Variants in IRF2 observed in about 807,000 individuals in gnomAD.
The protein encoded by IRF2 is interferon regulatory factor 2.
In IRF2, 15 loss-of-function variants were observed where a neutral mutation model predicts 40.6. The ratio of observed to expected loss-of-function variants is 0.37; its 90% confidence interval spans 0.25 to 0.57. The LOEUF is 0.57. IRF2 is among the 20% of genes least tolerant of loss of function. The probability of loss-of-function intolerance (pLI) is 0.77; values close to 1 mark genes in which losing one functional copy is unlikely to be tolerated. For missense variants in IRF2, 317 were observed against 455.7 expected (o/e 0.70, Z 2.77); for synonymous variants, 151 against 165.5 (o/e 0.91, Z 0.67).
intron 1 of IRF2, among the ~76,000 whole-genome samples, chr4:184,444,351 T>C (rs1312172225): frequency 1.3e-5 from 2 of 152,192 alleles, no homozygotes; most frequent in African/African-American, 2.4e-5. Context: ...CCGGCAACTA[T>C]AGCCACTTCC....
intron 7 of IRF2, among the ~76,000 whole-genome samples, chr4:184,394,355 C>T (rs759214792): frequency 1.3e-5 from 2 of 152,188 alleles, no homozygotes; most frequent in African/African-American, 2.4e-5. Flanking sequence ...AGCAGGAACA[C>T]TGCGGGAAGG....
intron 5 of IRF2, among the ~76,000 whole-genome samples, chr4:184,412,950 C>G (rs534690182): frequency 3.9e-5 from 6 of 152,372 alleles, no homozygotes; most frequent in Admixed American, 3.3e-4. Flanking sequence ...AACTTTCTAG[C>G]TGGCATTTAC....
intron 7 of IRF2, among the ~76,000 whole-genome samples, chr4:184,398,018 A>G (rs1224676204): frequency 6.6e-6 from 1 of 152,202 alleles, no homozygotes; most frequent in African/African-American, 2.4e-5. Context: ...GAAATGGCTC[A>G]GTCATCTGGC....
At chr4:184,441,828 A>G (rs1738323305) in intron 1 of IRF2, among the ~76,000 whole-genome samples, 1 of 152,204 alleles carries the variant, frequency 6.6e-6, no homozygotes, top group Non-Finnish European at 1.5e-5. Context: ...CATTTTATAG[A>G]TGAAGAAACT....
intron 6 of IRF2, among the ~76,000 whole-genome samples, chr4:184,405,648 T>C (rs988800835): frequency 2.0e-5 from 3 of 152,084 alleles, no homozygotes; most frequent in African/African-American, 7.2e-5. Context: ...GGGAGCAGAA[T>C]GGAAGCAGAG....
In IRF2 at chr4:184,408,210, C is replaced by T. The variant is rs774029736; in HGVS notation, c.477G>A (p.Ala159=). ...CATTTTTTATAGTTGAAGTCAGGAC[C>T]GCATACTCAGGAGAAAGATCACTTA... is the stretch of plus-strand genomic sequence containing the variant. ...NGVSDLSPEY[A]VLTSTIKNEV... The change falls in exon 6 of 9, where the codon GCG becomes GCA. Residue 159 remains alanine, a synonymous_variant. Transcript: ENST00000393593. This position sits in a 1 kb window ranked among gnomAD's most constrained non-coding sequence, Gnocchi z 4.9. The T allele has an allele frequency of 2.3e-5, 37 of 1,613,166 alleles. No homozygotes were observed. The highest frequency in any genetic ancestry group is 1.2e-4 in the South Asian group (11 of 91,072).
intron 2 of IRF2, among the ~76,000 whole-genome samples, chr4:184,427,570 C>T (rs1737716548): frequency 1.3e-5 from 2 of 152,008 alleles, no homozygotes; most frequent in African/African-American, 2.4e-5. Flanking sequence ...CGCTTCAGCA[C>T]AGAGGCAGAG....
chr4:184,411,581 G>A (rs1436805006), intron 5 of IRF2, among the ~76,000 whole-genome samples: 1 of 121,886 alleles, frequency 8.2e-6, no homozygotes, highest in African/African-American at 2.6e-5. Context: ...GTAAAACGGA[G>A]CCAGCACCTC....
At chr4:184,410,454 A>AT (rs1391738451) in intron 5 of IRF2, among the ~76,000 whole-genome samples, 2 of 152,144 alleles carry the variant, frequency 1.3e-5, no homozygotes, top group Non-Finnish European at 2.9e-5. Flanking sequence ...CTATCCCTCC[A>AT]TGGCGGCCTG....
At chr4:184,430,532 A>G (rs891034712) in intron 1 of IRF2, among the ~76,000 whole-genome samples, 1 of 151,950 alleles carries the variant, frequency 6.6e-6, no homozygotes, top group African/African-American at 2.4e-5. Context: ...CTCCTATGTT[A>G]CTCACTGATC....
At chr4:184,438,490 A>G (rs904077373) in intron 1 of IRF2, among the ~76,000 whole-genome samples, 10 of 152,202 alleles carry the variant, frequency 6.6e-5, no homozygotes, top group Non-Finnish European at 8.8e-5. Context: ...ATTATATTAT[A>G]CTGGTCCTGG....
At chr4:184,389,226 C>G (rs992432022) in intron 8 of IRF2, among the ~76,000 whole-genome samples, 160 bp from the exon 9 acceptor site, 12 of 151,966 alleles carry the variant, frequency 7.9e-5, no homozygotes, top group African/African-American at 2.7e-4. Flanking sequence ...TTGAGACCAG[C>G]CTGGGCAATG....
Position 184,388,961 on chromosome 4 carries a change from A to C in IRF2, c.847T>G (p.Ser283Ala). 2 of 1,614,138 alleles carry C rather than the reference A, an allele frequency of 1.2e-6. No individual in the cohort carries two copies. The highest frequency in any genetic ancestry group is 1.7e-6 in the Non-Finnish European group (2 of 1,180,030). Residue 283 changes from serine to alanine, a missense_variant, in exon 9 of 9, where the codon TCC becomes GCC. Physicochemically the swap from Ser to Ala is moderately conservative, Grantham distance 99. Coordinates refer to ENST00000393593, the MANE Select transcript of IRF2 (RefSeq NM_002199.4). This position sits in a 1 kb window ranked among gnomAD's most constrained non-coding sequence, Gnocchi z 4.6. ...LLPGMASFVT[S>A]NKPDLQVTIK... ...GTGACCTGGAGGTCCGGTTTGTTGG[A>C]AGTGACGAAGGACGCCATGCCGGGC...
intron 1 of IRF2, among the ~76,000 whole-genome samples, chr4:184,467,545 T>C (rs539421779): frequency 6.6e-6 from 1 of 152,246 alleles, no homozygotes; most frequent in Non-Finnish European, 1.5e-5. Flanking sequence ...TAGATATTAC[T>C]TGAAATAAAG....
At chr4:184,454,768 T>C (rs896404210) in intron 1 of IRF2, among the ~76,000 whole-genome samples, 1 of 152,158 alleles carries the variant, frequency 6.6e-6, no homozygotes, top group Non-Finnish European at 1.5e-5. Flanking sequence ...AACCTTCAAC[T>C]TCGCCAAGCC....
At chr4:184,426,766 G>A (rs1737689802) in intron 2 of IRF2, among the ~76,000 whole-genome samples, 1 of 152,162 alleles carries the variant, frequency 6.6e-6, no homozygotes, top group Non-Finnish European at 1.5e-5. Context: ...ACTAGTGGAG[G>A]TATTTTTGAA....
intron 1 of IRF2, among the ~76,000 whole-genome samples, chr4:184,473,392 T>A (rs1340254785): frequency 1.4e-5 from 2 of 144,826 alleles, no homozygotes; most frequent in Non-Finnish European, 3.1e-5. Flanking sequence ...CGGGGGCGCC[T>A]GCGGGGACCC....
intron 6 of IRF2, among the ~76,000 whole-genome samples, chr4:184,399,881 A>G (rs1426193896): frequency 6.6e-6 from 1 of 152,248 alleles, no homozygotes. Context: ...TTTTGAGATC[A>G]TTGTAAACTC....
intron 1 of IRF2, among the ~76,000 whole-genome samples, chr4:184,472,971 G>A (rs897414519): frequency 8.5e-5 from 13 of 152,120 alleles, no homozygotes; most frequent in African/African-American, 3.1e-4. Context: ...ACGCCGGCGC[G>A]TGCTGGGAGG....
Sources: gnomAD v4.1 joint callset for allele counts (sites outside exome capture counted in the v4.1 genomes callset) on GRCh38, gnomAD v4.1.1 for gene constraint, Gnocchi (gnomAD v3.1) non-coding constraint, MANE v1.5 for transcripts, NCBI Gene and HGNC (gene_info 2026-07-23, HGNC 2026-07-21) for gene names.